Variants in PRUNE2 observed in about 807,000 individuals in gnomAD.
PRUNE2 encodes the protein protein prune homolog 2.
In PRUNE2, 164 loss-of-function variants were observed where a neutral mutation model predicts 252.0. The observed-to-expected ratio is 0.65, with a 90% confidence interval of 0.57 to 0.74. The LOEUF (loss-of-function observed/expected upper bound fraction) is 0.74, where lower values mean the gene tolerates loss of function less well. Among genes scored for constraint, PRUNE2 ranks in the 30% least tolerant of loss-of-function variants. The probability of loss-of-function intolerance (pLI) is 0.00; values close to 1 mark genes in which losing one functional copy is unlikely to be tolerated. For missense variants in PRUNE2, 3,495 were observed against 3,711.0 expected (o/e 0.94, Z 1.51); for synonymous variants, 1,292 against 1,350.2 (o/e 0.96, Z 0.94).
rs1198737552 is a variant in PRUNE2, at chr9:76,708,905, A to G, written c.3369T>C (p.Thr1123=). ...TATCTGAGATCGTTGCAGTGGACTGAGTATCCTCCAAAATCACTCTGTTCC... is the reference window on the plus strand; with the variant it reads ...TATCTGAGATCGTTGCAGTGGACTGGGTATCCTCCAAAATCACTCTGTTCC... ...DLWNRVILED[T]QSTATISDMD... is the part of the protein sequence containing the mutation. The change falls in exon 8 of 19, where the codon ACT becomes ACC. Residue 1123 remains threonine, a synonymous_variant. Coordinates refer to ENST00000376718, the MANE Select transcript of PRUNE2 (RefSeq NM_015225.3). The G allele has an allele frequency of 1.2e-6, 2 of 1,613,928 alleles. No individual in the cohort carries two copies. The highest frequency in any genetic ancestry group is 1.7e-6 in the Non-Finnish European group (2 of 1,179,878).
intron 1 of PRUNE2, chr9:76,863,179 C>A (rs1233140530): frequency 6.6e-6 from 1 of 152,142 alleles, no homozygotes; most frequent in Non-Finnish European, 1.5e-5. Flanking sequence ...CTAGTTATCT[C>A]TTCAGGATAA....
At chr9:76,774,949 G>C (rs537766383) in intron 6 of PRUNE2, among the ~76,000 whole-genome samples, 9 of 152,166 alleles carry the variant, frequency 5.9e-5, no homozygotes, top group African/African-American at 2.2e-4. Context: ...TATGTAATGG[G>C]AACACTAATA....
intron 6 of PRUNE2, chr9:76,819,348 T>TC (rs2057894661): frequency 6.6e-6 from 1 of 152,066 alleles, no homozygotes; most frequent in Non-Finnish European, 1.5e-5. Context: ...GAGACATGCA[T>TC]AGAGGGAAGG....
chr9:76,666,750 CTTT>C (rs2040267950), intron 9 of PRUNE2, among the ~76,000 whole-genome samples: 1 of 152,154 alleles, frequency 6.6e-6, no homozygotes, highest in Non-Finnish European at 1.5e-5. Context: ...GCTGTCTTTT[CTTT>C]TATCTCTTTG....
At chr9:76,690,799 A>G (rs1451843435) in intron 9 of PRUNE2, among the ~76,000 whole-genome samples, 6 of 152,208 alleles carry the variant, frequency 3.9e-5, no homozygotes, top group Non-Finnish European at 7.3e-5. Flanking sequence ...CTGACTTCCA[A>G]TGACAATAAC....
chr9:76,879,882 T>TC (rs2061665634), intron 1 of PRUNE2, among the ~76,000 whole-genome samples: 1 of 74,562 alleles, frequency 1.3e-5, no homozygotes, highest in African/African-American at 7.1e-5. Context: ...GCCTGTCATA[T>TC]ATATATATAT....
intron 6 of PRUNE2, chr9:76,783,900 TA>T (rs2054695316): frequency 6.6e-6 from 1 of 152,224 alleles, no homozygotes; most frequent in African/African-American, 2.4e-5. Flanking sequence ...AAGTGCTTTA[TA>T]AAGCACTCAA....
intron 6 of PRUNE2, among the ~76,000 whole-genome samples, chr9:76,775,134 T>C (rs2053597370): frequency 6.6e-6 from 1 of 152,176 alleles, no homozygotes; most frequent in Non-Finnish European, 1.5e-5. Flanking sequence ...ATCAAGTTTA[T>C]TTGGTCGGGG....
intron 2 of PRUNE2, among the ~76,000 whole-genome samples, chr9:76,850,999 A>G (rs1022502591): frequency 2.0e-4 from 31 of 152,252 alleles, no homozygotes; most frequent in African/African-American, 7.5e-4. Context: ...AAATTTAAAT[A>G]TATGCATATA....
chr9:76,788,439 G>A (rs753492845), intron 6 of PRUNE2: 5 of 755,236 alleles, frequency 6.6e-6, no homozygotes, highest in Non-Finnish European at 9.9e-6. Flanking sequence ...GTAGCACAGT[G>A]GTCCCAGGCA....
At chr9:76,759,263 C>G (rs527923108) in intron 6 of PRUNE2, 6 of 152,196 alleles carry the variant, frequency 3.9e-5, no homozygotes, top group Non-Finnish European at 8.8e-5. Flanking sequence ...CTCATACTTA[C>G]CTCTGATACA....
At chr9:76,901,387 C>T (rs1402143833) in intron 1 of PRUNE2, among the ~76,000 whole-genome samples, 2 of 152,164 alleles carry the variant, frequency 1.3e-5, no homozygotes, top group Non-Finnish European at 2.9e-5. Flanking sequence ...GGAGCTGATC[C>T]CATGGTCTCT....
intron 6 of PRUNE2, among the ~76,000 whole-genome samples, chr9:76,727,839 C>T (rs373917780): frequency 2.0e-5 from 3 of 150,704 alleles, no homozygotes; most frequent in Middle Eastern, 3.2e-3. Flanking sequence ...TCAGCCTCCC[C>T]GAGTAACTGG....
chr9:76,803,212 T>C (rs1000057964), intron 6 of PRUNE2, among the ~76,000 whole-genome samples: 2 of 152,158 alleles, frequency 1.3e-5, no homozygotes, highest in African/African-American at 4.8e-5. Flanking sequence ...ACACACCACT[T>C]TGGGAAGGGT....
intron 1 of PRUNE2, among the ~76,000 whole-genome samples, chr9:76,899,195 C>G (rs971537950): frequency 6.6e-6 from 1 of 152,334 alleles, no homozygotes; most frequent in African/African-American, 2.4e-5. Flanking sequence ...GGAGGAGAAC[C>G]TACGGTTCCA....
intron 12 of PRUNE2, 72 bp downstream of exon 12, chr9:76,644,667 G>T: frequency 1.4e-6 from 2 of 1,435,606 alleles, no homozygotes; most frequent in South Asian, 1.1e-5. Flanking sequence ...GAGAAGTCTA[G>T]ACTCACTTCA....
At position 76,655,190 on chromosome 9, in the gene PRUNE2, G is replaced by C. The variant is rs145333816; in HGVS notation, c.8356+233C>G. Reference sequence around the variant, plus strand: ...AGGAACTGAAAACATTGGCAGATAAGGCTGTGGTCTAGGAGATAAAATGCA... The same window carrying C: ...AGGAACTGAAAACATTGGCAGATAACGCTGTGGTCTAGGAGATAAAATGCA... On this transcript the variant is annotated intron_variant, in intron 10 of 18. Transcript: ENST00000376718. 9.4e-3 allele frequency among the ~76,000 whole-genome samples: 1,436 copies of C among 152,246 alleles called. 24 individuals are homozygous for C. The highest frequency in any genetic ancestry group is 0.033 in the African/African-American group (1,356 of 41,536).
chr9:76,672,640 C>A (rs1443449987), intron 9 of PRUNE2, among the ~76,000 whole-genome samples: 1 of 140,754 alleles, frequency 7.1e-6, no homozygotes, highest in Non-Finnish European at 1.5e-5. Flanking sequence ...CAAAATTGAC[C>A]ACATACTGGG....
At chr9:76,853,683 T>C (rs758634631) in intron 2 of PRUNE2, among the ~76,000 whole-genome samples, 4 of 152,244 alleles carry the variant, frequency 2.6e-5, no homozygotes, top group Non-Finnish European at 4.4e-5. Context: ...TGCTCTGCCA[T>C]TTATGTACTG....
Sources: gnomAD v4.1 joint callset for allele counts (sites outside exome capture counted in the v4.1 genomes callset) on GRCh38, gnomAD v4.1.1 for gene constraint, MANE v1.5 for transcripts, NCBI Gene and HGNC (gene_info 2026-07-23, HGNC 2026-07-21) for gene names.